Variants in CHLSN observed in about 807,000 individuals in gnomAD.
CHLSN encodes the protein cholesin.
chr7:1,079,573 A>G, the CHLSN span, among the ~76,000 whole-genome samples: 1 of 152,252 alleles, frequency 6.6e-6, no homozygotes, highest in Non-Finnish European at 1.5e-5. Context: ...AAAACATTCA[A>G]TAAACCAGCG....
the CHLSN span, among the ~76,000 whole-genome samples, chr7:998,941 T>C: frequency 6.6e-6 from 1 of 152,240 alleles, no homozygotes; most frequent in Non-Finnish European, 1.5e-5. Context: ...GCATATGGTT[T>C]GAAGCTGGGG....
chr7:1,000,314 C>G, the CHLSN span, among the ~76,000 whole-genome samples: 2 of 143,412 alleles, frequency 1.4e-5, no homozygotes, highest in African/African-American at 5.2e-5. Context: ...CCTCAGCCCC[C>G]GGGAGACGTG....
chr7:1,057,509 GGCC>G, the CHLSN span: 2 of 762,062 alleles, frequency 2.6e-6, no homozygotes, highest in South Asian at 1.4e-5. Context: ...GAGCCTCGCC[GGCC>G]GCCATGTGGA....
the CHLSN span, among the ~76,000 whole-genome samples, chr7:1,030,623 G>A: frequency 6.6e-6 from 1 of 152,208 alleles, no homozygotes; most frequent in Non-Finnish European, 1.5e-5. Context: ...TGACCCACCT[G>A]TAGGGCTGTG....
At chr7:1,019,360 T>C in the CHLSN span, among the ~76,000 whole-genome samples, 1 of 152,026 alleles carries the variant, frequency 6.6e-6, no homozygotes. Flanking sequence ...AATGGTTCTA[T>C]AGGGAAAATC....
chr7:1,058,834 A>T, the CHLSN span: 5 of 367,044 alleles, frequency 1.4e-5, no homozygotes, highest in African/African-American at 2.0e-5. Flanking sequence ...GAAAGCTTAG[A>T]GCCAGTATTT....
At chr7:994,189 G>A in the CHLSN span, among the ~76,000 whole-genome samples, 1,824 of 152,126 alleles carry the variant, frequency 0.012, 15 homozygotes, top group Non-Finnish European at 0.018. Context: ...ACAGAGTCTC[G>A]CTCTGTCACC....
the CHLSN span, among the ~76,000 whole-genome samples, chr7:1,106,256 C>A: frequency 6.6e-6 from 1 of 152,202 alleles, no homozygotes; most frequent in African/African-American, 2.4e-5. Context: ...ACTTGCCCAA[C>A]AGAGACAGCC....
the CHLSN span, among the ~76,000 whole-genome samples, chr7:993,841 C>T: frequency 1.3e-5 from 2 of 152,046 alleles, no homozygotes; most frequent in South Asian, 2.1e-4. Context: ...ATTCAGCGGC[C>T]GAACCTGTGT....
chr7:1,118,636 C>T, the CHLSN span, among the ~76,000 whole-genome samples: 1 of 151,570 alleles, frequency 6.6e-6, no homozygotes, highest in Non-Finnish European at 1.5e-5. Context: ...AATAAGAGGC[C>T]AAGAACACTG....
the CHLSN span, chr7:1,091,615 A>T: frequency 1.1e-6 from 1 of 877,900 alleles, no homozygotes; most frequent in Non-Finnish European, 1.8e-6. Flanking sequence ...CTGTCTGACA[A>T]ATGCCAGGCT....
chr7:1,064,827 G>A, the CHLSN span, among the ~76,000 whole-genome samples: 1 of 152,180 alleles, frequency 6.6e-6, no homozygotes. Flanking sequence ...CAGGCTCCAG[G>A]GCTCCAGAAG....
chr7:987,227 C>G, the CHLSN span: 2 of 1,536,508 alleles, frequency 1.3e-6, no homozygotes, highest in Non-Finnish European at 1.8e-6. Context: ...TCTGATGGGC[C>G]GGCACCCGGA....
At chr7:1,029,363 A>G in the CHLSN span, among the ~76,000 whole-genome samples, 9 of 152,266 alleles carry the variant, frequency 5.9e-5, no homozygotes, top group African/African-American at 1.9e-4. Flanking sequence ...CCTGGGCCCA[A>G]GTGATCTTCC....
At chr7:1,083,201 C>T in the CHLSN span, among the ~76,000 whole-genome samples, 4 of 152,252 alleles carry the variant, frequency 2.6e-5, no homozygotes, top group Non-Finnish European at 5.9e-5. Flanking sequence ...CTGGGAGACC[C>T]GCAAAACTGC....
the CHLSN span, chr7:1,044,512 T>G: frequency 6.6e-6 from 1 of 151,872 alleles, no homozygotes; most frequent in Non-Finnish European, 1.5e-5. Flanking sequence ...GGGCCAGGCA[T>G]GGCTGCCGCT....
the CHLSN span, chr7:997,462 C>G: frequency 1.7e-6 from 1 of 594,704 alleles, no homozygotes; most frequent in Non-Finnish European, 2.8e-6. Flanking sequence ...CCTTGCGAGG[C>G]TCTGGTGCTG....
At chr7:1,056,501 C>G in the CHLSN span, 1 of 152,558 alleles carries the variant, frequency 6.6e-6, no homozygotes, top group African/African-American at 2.4e-5. Flanking sequence ...GCCTGCATGC[C>G]TAGCCACAGG....
the CHLSN span, among the ~76,000 whole-genome samples, chr7:1,018,205 T>G: frequency 1.7e-4 from 26 of 152,168 alleles, no homozygotes; most frequent in Non-Finnish European, 1.5e-5. Flanking sequence ...CACTAGGGCT[T>G]GGCGGGTGGG....
Sources: allele counts gnomAD v4.1 joint callset (sites outside exome capture counted in the v4.1 genomes callset), GRCh38; gene constraint gnomAD v4.1.1; transcripts MANE v1.5; gene names NCBI Gene and HGNC (gene_info 2026-07-23, HGNC 2026-07-21).